The following EPB41L4A variants were observed in gnomAD, a reference collection of about 807,000 sequenced individuals.
The protein encoded by EPB41L4A is erythrocyte membrane protein band 4.1 like 4A.
A neutral mutation model predicts 108.6 loss-of-function variants in EPB41L4A; 100 were observed. The observed-to-expected ratio is 0.92, with a 90% confidence interval of 0.78 to 1.09. The LOEUF is 1.09. Among genes scored for constraint, EPB41L4A ranks in the 50% least tolerant of loss-of-function variants. The pLI is 0.00. For synonymous variants in EPB41L4A, 319 were observed against 289.0 expected (o/e 1.10, Z -1.05); for missense variants, 1,030 against 842.7 (o/e 1.22, Z -2.75).
At chr5:112,227,637 C>G (rs941185957) in intron 12 of EPB41L4A, among the ~76,000 whole-genome samples, 4 of 152,214 alleles carry the variant, frequency 2.6e-5, no homozygotes, top group Admixed American at 2.6e-4. Flanking sequence ...CGTCTCTATT[C>G]AGATAACTCA....
rs199768543 is a variant in EPB41L4A, at chr5:112,194,584, G to A, written c.1486C>T (p.Arg496Trp). ...AGATATTACCTGTTTCTCTTTTTCCGGTATTCTCTATTAGAATTTTCTGAT... is the reference window on the plus strand; with the variant it reads ...AGATATTACCTGTTTCTCTTTTTCCAGTATTCTCTATTAGAATTTTCTGAT... ...SESENSNREYRKKRNRIRQEN... is the reference protein window; with the variant it reads ...SESENSNREYWKKRNRIRQEN... Residue 496 changes from arginine to tryptophan, a missense_variant, in exon 17 of 23, where the codon CGG (arginine) becomes TGG (tryptophan). Physicochemically the swap from Arg to Trp is moderately radical, Grantham distance 101. Coordinates refer to ENST00000261486, the MANE Select transcript of EPB41L4A (RefSeq NM_022140.5). 168 of 1,592,828 alleles carry A rather than the reference G, an allele frequency of 1.1e-4. No individual in the cohort carries two copies. Among genetic ancestry groups the A allele is most frequent in the African/African-American group, 8.4e-4 (62 of 74,162 alleles).
chr5:112,161,753 G>T, downstream of EPB41L4A: 1 of 419,422 alleles, frequency 2.4e-6, no homozygotes, highest in Non-Finnish European at 4.8e-6. Flanking sequence ...AATACCATCT[G>T]GGAGCATAAA....
chr5:112,415,691 C>T (rs1762671325), intron 1 of EPB41L4A, among the ~76,000 whole-genome samples: 1 of 152,160 alleles, frequency 6.6e-6, no homozygotes, highest in Non-Finnish European at 1.5e-5. Flanking sequence ...CAGAACATTA[C>T]TCAAACAACT....
At chr5:112,159,575 A>C (rs764120033), downstream of EPB41L4A, among the ~76,000 whole-genome samples, 1 of 152,180 alleles carries the variant, frequency 6.6e-6, no homozygotes, top group Non-Finnish European at 1.5e-5. Flanking sequence ...CTGGCTCTCC[A>C]GCTGCATCTT....
chr5:112,302,971 A>G (rs1179152915), intron 2 of EPB41L4A, among the ~76,000 whole-genome samples: 3 of 152,088 alleles, frequency 2.0e-5, no homozygotes, highest in Admixed American at 2.0e-4. Context: ...TGTGCTTCTC[A>G]TGATGCTCTT....
chr5:112,347,681 T>G (rs1281936561), intron 1 of EPB41L4A, among the ~76,000 whole-genome samples: 3 of 152,242 alleles, frequency 2.0e-5, no homozygotes, highest in African/African-American at 7.2e-5. Context: ...CTTTAGAACA[T>G]AATTGAATAT....
intron 7 of EPB41L4A, among the ~76,000 whole-genome samples, chr5:112,261,058 A>G (rs879851572): frequency 1.3e-5 from 2 of 152,190 alleles, no homozygotes; most frequent in African/African-American, 2.4e-5. Context: ...TTCTTTTAAA[A>G]ACTGAAAACC....
chr5:112,417,961 GA>G (rs1762806277), intron 1 of EPB41L4A, among the ~76,000 whole-genome samples: 1 of 152,174 alleles, frequency 6.6e-6, no homozygotes, highest in Admixed American at 6.5e-5. Flanking sequence ...ACCCCATTAT[GA>G]TTAACTTCTG....
At chr5:112,167,606 G>A (rs1235096085) in intron 22 of EPB41L4A, among the ~76,000 whole-genome samples, 1 of 152,124 alleles carries the variant, frequency 6.6e-6, no homozygotes. Flanking sequence ...GTGTGAATGT[G>A]TAAAAGTTCA....
intron 12 of EPB41L4A, among the ~76,000 whole-genome samples, chr5:112,147,548 T>C (rs1007896262): frequency 2.0e-5 from 3 of 148,932 alleles, no homozygotes; most frequent in African/African-American, 7.5e-5. Context: ...GCTGAGGCAG[T>C]AGAATCACGA....
chr5:112,322,578 G>A (rs899242293), intron 1 of EPB41L4A, among the ~76,000 whole-genome samples: 2 of 151,964 alleles, frequency 1.3e-5, no homozygotes, highest in African/African-American at 4.8e-5. Flanking sequence ...TAATCCTACC[G>A]ACCCCAGCAG....
chr5:112,357,024 T>G (rs970320476), intron 1 of EPB41L4A, among the ~76,000 whole-genome samples: 2 of 152,170 alleles, frequency 1.3e-5, no homozygotes, highest in Admixed American at 6.5e-5. Flanking sequence ...AGATGGCCGG[T>G]GCTGAGTAGG....
chr5:112,271,609 T>C (rs1294114360), intron 4 of EPB41L4A, among the ~76,000 whole-genome samples: 1 of 152,214 alleles, frequency 6.6e-6, no homozygotes, highest in Admixed American at 6.5e-5. Flanking sequence ...CAAATGTATG[T>C]ATTATACTTA....
intron 2 of EPB41L4A, among the ~76,000 whole-genome samples, chr5:112,287,580 G>A (rs1753371406): frequency 6.6e-6 from 1 of 152,156 alleles, no homozygotes; most frequent in African/African-American, 2.4e-5. Flanking sequence ...ATATCCTCCA[G>A]TGGTTTCCTT....
chr5:112,391,767 C>T (rs555697191), intron 1 of EPB41L4A, among the ~76,000 whole-genome samples: 1 of 152,156 alleles, frequency 6.6e-6, no homozygotes, highest in South Asian at 2.1e-4. Flanking sequence ...AACCCCAAGA[C>T]ACATAATTGT....
chr5:112,339,503 TATATATAGATATATAG>T (rs1201466369), intron 1 of EPB41L4A, among the ~76,000 whole-genome samples: 3 of 44,552 alleles, frequency 6.7e-5, no homozygotes, highest in Admixed American at 3.2e-4. Flanking sequence ...TATCTATATA[TATATATAGATATATAG>T]ATATATATCT....
chr5:112,336,669 A>C (rs1580710218), intron 1 of EPB41L4A, among the ~76,000 whole-genome samples: 2 of 152,332 alleles, frequency 1.3e-5, no homozygotes, highest in East Asian at 1.9e-4. Context: ...TGTGAGAGGC[A>C]AAAGTACAGA....
At chr5:112,335,270 G>A (rs1756843685) in intron 1 of EPB41L4A, among the ~76,000 whole-genome samples, 1 of 152,176 alleles carries the variant, frequency 6.6e-6, no homozygotes, top group Non-Finnish European at 1.5e-5. Context: ...AACTCACAGA[G>A]GGGATCAGTG....
At chr5:112,292,911 A>T (rs995893177) in intron 2 of EPB41L4A, among the ~76,000 whole-genome samples, 32 of 152,116 alleles carry the variant, frequency 2.1e-4, no homozygotes, top group Admixed American at 6.5e-5. Flanking sequence ...GCTCATTCTG[A>T]TTTAACCGGG....
Sources: allele counts gnomAD v4.1 joint callset (sites outside exome capture counted in the v4.1 genomes callset), GRCh38; gene constraint gnomAD v4.1.1; transcripts MANE v1.5; gene names NCBI Gene and HGNC (gene_info 2026-07-23, HGNC 2026-07-21).